Variants in PPM1B observed in about 807,000 individuals in gnomAD.
PPM1B encodes the protein protein phosphatase 1B.
A neutral mutation model predicts 43.0 loss-of-function variants in PPM1B; 22 were observed. The observed-to-expected ratio is 0.51, with a 90% CI of 0.37 to 0.73. The LOEUF (loss-of-function observed/expected upper bound fraction) is 0.73, where lower values mean the gene tolerates loss of function less well. PPM1B is among the 30% of genes least tolerant of loss of function. The pLI is 0.00. For synonymous variants in PPM1B, 217 were observed against 197.9 expected (o/e 1.10, Z -0.81); for missense variants, 632 against 584.2 (o/e 1.08, Z -0.84).
At chr2:44,223,401 C>CA (rs1670061441) in intron 5 of PPM1B, among the ~76,000 whole-genome samples, 1 of 152,176 alleles carries the variant, frequency 6.6e-6, no homozygotes, top group African/African-American at 2.4e-5. Context: ...ATGCAATACC[C>CA]ATAGCTGCTT....
chr2:44,242,774 TTTC>T (rs1274438681), intron 5 of PPM1B, among the ~76,000 whole-genome samples: 6 of 119,960 alleles, frequency 5.0e-5, no homozygotes, highest in African/African-American at 1.7e-4. Context: ...GGCAGCATTT[TTTC>T]TTAACATTAA....
chr2:44,231,922 A>G (rs1670480860), downstream of PPM1B, among the ~76,000 whole-genome samples: 3 of 152,238 alleles, frequency 2.0e-5, no homozygotes, highest in South Asian at 6.2e-4. Flanking sequence ...ATTATTTTAT[A>G]ACTGTAGAAC....
intron 2 of PPM1B, among the ~76,000 whole-genome samples, chr2:44,208,122 T>G (rs1039513621): frequency 1.3e-5 from 2 of 151,166 alleles, no homozygotes; most frequent in African/African-American, 4.9e-5. Context: ...ACCCCTCACC[T>G]TGTGATCTGC....
intron 1 of PPM1B, among the ~76,000 whole-genome samples, chr2:44,185,059 T>G (rs1335001898): frequency 6.6e-6 from 1 of 151,490 alleles, no homozygotes; most frequent in African/African-American, 2.4e-5. Flanking sequence ...TATTATTGGG[T>G]TTTATAGTAA....
intron 5 of PPM1B, among the ~76,000 whole-genome samples, chr2:44,228,331 G>A (rs114041253): frequency 2.0e-5 from 3 of 151,676 alleles, no homozygotes; most frequent in African/African-American, 7.3e-5. Flanking sequence ...GGGACTATGG[G>A]CGTGTTCCTT....
intron 5 of PPM1B, among the ~76,000 whole-genome samples, chr2:44,241,093 TC>T: frequency 7.0e-6 from 1 of 143,148 alleles, no homozygotes; most frequent in East Asian, 2.1e-4. Context: ...AACTTCCGCC[TC>T]CCGGGTTCAA....
At chr2:44,235,544 A>C (rs1030314813), downstream of PPM1B, among the ~76,000 whole-genome samples, 2 of 148,046 alleles carry the variant, frequency 1.4e-5, no homozygotes, top group African/African-American at 2.5e-5. Flanking sequence ...CGGAGGTTGC[A>C]GTGAGCTGAG....
chr2:44,175,910 C>T (rs776584937), intron 1 of PPM1B, among the ~76,000 whole-genome samples: 1 of 151,770 alleles, frequency 6.6e-6, no homozygotes, highest in African/African-American at 2.4e-5. Flanking sequence ...CTCAGTCTCC[C>T]GAGTAGCTGG....
chr2:44,192,198 A>T (rs574320933), intron 1 of PPM1B, among the ~76,000 whole-genome samples: 2 of 138,706 alleles, frequency 1.4e-5, no homozygotes, highest in African/African-American at 6.4e-5. Flanking sequence ...ATGGTATTGT[A>T]TTGTATTGTA....
chr2:44,241,855 A>ATATTTTTTT (rs1308907282), intron 5 of PPM1B, among the ~76,000 whole-genome samples: 1 of 32,856 alleles, frequency 3.0e-5, no homozygotes, highest in Non-Finnish European at 5.5e-5. Flanking sequence ...TTAGAAAATA[A>ATATTTTTTT]TCTTTTTTTT....
At chr2:44,232,672 C>T, downstream of PPM1B, 4 of 1,095,594 alleles carry the variant, frequency 3.7e-6, no homozygotes, top group Non-Finnish European at 4.4e-6. Context: ...ATATAGTTAG[C>T]TATACTCTGA....
chr2:44,206,278 A>C (rs114726408), intron 2 of PPM1B, among the ~76,000 whole-genome samples: 316 of 152,368 alleles, frequency 2.1e-3, no homozygotes, highest in African/African-American at 7.4e-3. Context: ...TACTGATTAT[A>C]CAAGGATGTT....
intron 1 of PPM1B, among the ~76,000 whole-genome samples, chr2:44,176,888 C>T (rs1667607720): frequency 6.6e-6 from 1 of 152,182 alleles, no homozygotes; most frequent in Non-Finnish European, 1.5e-5. Flanking sequence ...TCAAGCGATT[C>T]TCCTGCCTCA....
At chr2:44,208,471 G>T (rs951632137) in intron 2 of PPM1B, among the ~76,000 whole-genome samples, 3 of 151,988 alleles carry the variant, frequency 2.0e-5, no homozygotes, top group Admixed American at 1.3e-4. Context: ...CCAGCACTTT[G>T]GGAGGCTGAG....
At chr2:44,224,723 T>A (rs1480578626) in intron 5 of PPM1B, among the ~76,000 whole-genome samples, 2 of 152,240 alleles carry the variant, frequency 1.3e-5, no homozygotes, top group Non-Finnish European at 2.9e-5. Context: ...GGATGGGAGA[T>A]GTCCTGAATT....
chr2:44,186,189 T>C (rs910637129), intron 1 of PPM1B, among the ~76,000 whole-genome samples: 2 of 152,192 alleles, frequency 1.3e-5, no homozygotes, highest in African/African-American at 4.8e-5. Context: ...CTACTATCAT[T>C]TATTTTAGCA....
chr2:44,225,818 G>A (rs768657162), intron 5 of PPM1B, among the ~76,000 whole-genome samples: 8 of 150,788 alleles, frequency 5.3e-5, no homozygotes, highest in Non-Finnish European at 8.9e-5. Flanking sequence ...CACCACGCCT[G>A]GCTAATTTTT....
intron 3 of PPM1B, among the ~76,000 whole-genome samples, chr2:44,216,598 A>T (rs1484909712): frequency 6.6e-6 from 1 of 152,160 alleles, no homozygotes; most frequent in Non-Finnish European, 1.5e-5. Context: ...AGGATTTGAG[A>T]ATGTGACATA....
At chr2:44,240,079 C>T (rs962319184) in intron 5 of PPM1B, among the ~76,000 whole-genome samples, 2 of 130,980 alleles carry the variant, frequency 1.5e-5, no homozygotes, top group Non-Finnish European at 3.5e-5. Flanking sequence ...GGCACCATAG[C>T]GCACTGCAGC....
Sources: allele counts gnomAD v4.1 joint callset (sites outside exome capture counted in the v4.1 genomes callset), GRCh38; gene constraint gnomAD v4.1.1; transcripts MANE v1.5; gene names NCBI Gene and HGNC (gene_info 2026-07-23, HGNC 2026-07-21).